PTPRK: variants seen among roughly 807,000 people sequenced by gnomAD.
The protein encoded by PTPRK is protein tyrosine phosphatase receptor type K, also known as receptor-type tyrosine-protein phosphatase kappa.
In PTPRK, 75 loss-of-function variants were observed where a neutral mutation model predicts 178.0. The observed-to-expected ratio is 0.42, with a 90% CI of 0.35 to 0.51. PTPRK has a LOEUF of 0.51. PTPRK is among the 20% of genes least tolerant of loss of function. The probability of loss-of-function intolerance (pLI) is 0.02; values close to 1 mark genes in which losing one functional copy is unlikely to be tolerated. For missense variants in PTPRK, 1,441 were observed against 1,797.8 expected (o/e 0.80, Z 3.59); for synonymous variants, 637 against 620.6 (o/e 1.03, Z -0.39).
intron 13 of PTPRK, among the ~76,000 whole-genome samples, chr6:128,036,103 T>TA (rs1776160738): frequency 6.6e-6 from 1 of 152,218 alleles, no homozygotes; most frequent in Non-Finnish European, 1.5e-5. Context: ...AAACAGTTGT[T>TA]ATATTTGGGG....
At chr6:128,319,501 A>C (rs1420563413) in intron 3 of PTPRK, among the ~76,000 whole-genome samples, 1 of 152,194 alleles carries the variant, frequency 6.6e-6, no homozygotes, top group Non-Finnish European at 1.5e-5. Context: ...ATAAATAAAA[A>C]ACTTGAAAAG....
intron 3 of PTPRK, among the ~76,000 whole-genome samples, chr6:128,279,271 T>G (rs1309274570): frequency 6.6e-6 from 1 of 151,144 alleles, no homozygotes; most frequent in Non-Finnish European, 1.5e-5. Context: ...GTTCTGTGAA[T>G]GTGTTACAGC....
At chr6:128,301,313 AATTTT>A (rs1185912713) in intron 3 of PTPRK, among the ~76,000 whole-genome samples, 1 of 152,118 alleles carries the variant, frequency 6.6e-6, no homozygotes, top group Non-Finnish European at 1.5e-5. Context: ...TAAAATCAGA[AATTTT>A]ATTTTGTTTG....
intron 1 of PTPRK, among the ~76,000 whole-genome samples, chr6:128,419,726 A>G (rs1843261703): frequency 6.6e-6 from 1 of 152,162 alleles, no homozygotes; most frequent in Non-Finnish European, 1.5e-5. Flanking sequence ...TGTTCTGGGA[A>G]CCTCTCATTG....
chr6:128,054,703 A>T (rs1779612260), intron 13 of PTPRK, among the ~76,000 whole-genome samples: 1 of 152,172 alleles, frequency 6.6e-6, no homozygotes, highest in South Asian at 2.1e-4. Flanking sequence ...ATCATACTTT[A>T]CTTAAGTTTC....
chr6:128,125,529 A>G (rs753366670), intron 7 of PTPRK, among the ~76,000 whole-genome samples: 4 of 150,842 alleles, frequency 2.7e-5, no homozygotes, highest in Non-Finnish European at 4.4e-5. Context: ...TTCTTTTGTT[A>G]TAAATTACCC....
chr6:128,422,663 C>G (rs1337797763), intron 1 of PTPRK, among the ~76,000 whole-genome samples: 6 of 60,766 alleles, frequency 9.9e-5, no homozygotes, highest in Non-Finnish European at 1.4e-4. Context: ...TAGTTTTTAA[C>G]ATTTCACGGA....
In PTPRK at chr6:128,261,696, A is replaced by G. The variant is rs147684465; in HGVS notation, c.496-19094T>C. Among the ~76,000 whole-genome samples, 8 of 149,002 alleles carry G rather than the reference A, an allele frequency of 5.4e-5. No homozygotes were observed. In the East Asian group the frequency reaches 9.7e-4, roughly 18 times the overall value. ...AAATGTGGATAGTGCAAATGAATAA[A>G]TACATTTTTAATTTTAATTTTAATA... is the stretch of plus-strand genomic sequence containing the variant. On this transcript the variant is annotated intron_variant, in intron 3 of 29. Coordinates refer to ENST00000368226, the MANE Select transcript of PTPRK (RefSeq NM_002844.4).
chr6:128,234,889 C>G (rs1034576965), intron 5 of PTPRK, among the ~76,000 whole-genome samples: 2 of 152,184 alleles, frequency 1.3e-5, no homozygotes, highest in Non-Finnish European at 2.9e-5. Flanking sequence ...TATATATTCA[C>G]TTTTTCCTGC....
chr6:128,118,513 G>T (rs1028135369), intron 7 of PTPRK, among the ~76,000 whole-genome samples: 1 of 152,162 alleles, frequency 6.6e-6, no homozygotes, highest in African/African-American at 2.4e-5. Flanking sequence ...ACACAGGAAA[G>T]CCACATGTTT....
intron 7 of PTPRK, among the ~76,000 whole-genome samples, chr6:128,169,854 A>G (rs569723019): frequency 6.6e-6 from 1 of 151,296 alleles, no homozygotes; most frequent in South Asian, 2.1e-4. Context: ...ATGGAGACAA[A>G]TAATATATAT....
intron 6 of PTPRK, among the ~76,000 whole-genome samples, chr6:128,206,147 C>T (rs1372048533): frequency 6.6e-6 from 1 of 151,790 alleles, no homozygotes; most frequent in African/African-American, 2.4e-5. Flanking sequence ...CAATAATTAA[C>T]ACATGGTGAT....
At chr6:128,187,024 A>G (rs1365155329) in intron 6 of PTPRK, among the ~76,000 whole-genome samples, 1 of 152,120 alleles carries the variant, frequency 6.6e-6, no homozygotes, top group Non-Finnish European at 1.5e-5. Context: ...GTGCTACCCC[A>G]GTGTAGGGAT....
intron 3 of PTPRK, among the ~76,000 whole-genome samples, chr6:128,290,306 T>C (rs1823175178): frequency 6.6e-6 from 1 of 152,056 alleles, no homozygotes; most frequent in Non-Finnish European, 1.5e-5. Flanking sequence ...TTTGGAGAGC[T>C]AGCATCCAAA....
intron 7 of PTPRK, among the ~76,000 whole-genome samples, chr6:128,094,452 A>G (rs141310059): frequency 8.8e-4 from 134 of 152,282 alleles, no homozygotes; most frequent in Non-Finnish European, 1.5e-5. Flanking sequence ...CTTGGATTTG[A>G]GTTATGTGAA....
rs763364530 is a variant in PTPRK at position 128,001,174 on chromosome 6, G to T, written c.2495-2270C>A. ...ATATCCTTGATTGAAAGGTTTTCTAGAGTTCTTTGCAATACACTTACCTGT... is the reference window on the plus strand; with the variant it reads ...ATATCCTTGATTGAAAGGTTTTCTATAGTTCTTTGCAATACACTTACCTGT... On this transcript the variant is annotated intron_variant, in intron 15 of 29. Transcript: ENST00000368226. The T allele has an allele frequency of 6.6e-6, 10 of 1,508,404 alleles. No individual in the cohort carries two copies. In the South Asian group the frequency reaches 1.2e-4, roughly 19 times the overall value. The allele number at this position is 1,508,404 out of a possible 1,614,324, so 93.4% of individuals were successfully genotyped here. A position where few individuals can be genotyped will look rare whatever the true frequency, so the allele number is the denominator to read the frequency against.
intron 1 of PTPRK, among the ~76,000 whole-genome samples, chr6:128,461,450 T>G (rs1027431820): frequency 6.6e-6 from 1 of 152,198 alleles, no homozygotes; most frequent in Non-Finnish European, 1.5e-5. Context: ...AGGAATTAAC[T>G]GCTTACAAAA....
intron 7 of PTPRK, among the ~76,000 whole-genome samples, chr6:128,152,967 A>G (rs1797487664): frequency 6.6e-6 from 1 of 151,790 alleles, no homozygotes; most frequent in South Asian, 2.1e-4. Flanking sequence ...TGCAGGACTG[A>G]CTCTGTAACA....
chr6:128,395,137 AT>A (rs1166420688), intron 2 of PTPRK, among the ~76,000 whole-genome samples: 1 of 152,202 alleles, frequency 6.6e-6, no homozygotes, highest in African/African-American at 2.4e-5. Context: ...TGAGCAAGGA[AT>A]ATTCAGTCAG....
Sources: gnomAD v4.1 joint callset for allele counts (sites outside exome capture counted in the v4.1 genomes callset) on GRCh38, gnomAD v4.1.1 for gene constraint, MANE v1.5 for transcripts, NCBI Gene and HGNC (gene_info 2026-07-23, HGNC 2026-07-21) for gene names.